Variants in OBI1 observed in about 807,000 individuals in gnomAD.
The protein encoded by OBI1 is ORC ubiquitin ligase 1.
OBI1 carries 59 observed loss-of-function variants against 62.4 expected under a neutral mutation model. The observed-to-expected ratio is 0.95, with a 90% CI of 0.77 to 1.17. The LOEUF (loss-of-function observed/expected upper bound fraction) is 1.17, where lower values mean the gene tolerates loss of function less well. Among genes scored for constraint, OBI1 ranks in the 50% most tolerant of loss-of-function variants. The pLI, the probability that OBI1 is intolerant of heterozygous loss-of-function variation, is 0.00. For missense variants in OBI1, 875 were observed against 830.9 expected, an observed-to-expected ratio of 1.05 and a Z score of -0.65; for synonymous variants, 302 against 292.8, an observed-to-expected ratio of 1.03 and a Z score of -0.32.
intron 5 of OBI1, among the ~76,000 whole-genome samples, chr13:78,623,124 T>G (rs1875560574): frequency 6.6e-6 from 1 of 152,198 alleles, no homozygotes; most frequent in Admixed American, 6.5e-5. Flanking sequence ...CAAGAGAGTT[T>G]TCTCTTTTTA....
chr13:78,614,659 A>C lies in OBI1; in HGVS notation c.*921T>G, dbSNP rs1230534472. The C allele has an allele frequency of 6.6e-6, 1 of 152,366 alleles. No individual in the cohort carries two copies. The highest frequency in any genetic ancestry group is 1.9e-4 in the East Asian group (1 of 5,204). The allele number at this position is 152,366 out of a possible 1,614,324, so 9.4% of individuals were successfully genotyped here. ...ACAGGAACATGCAAACAAGAAACAT[A>C]CTACTCAAAAGAAAACTCCCCTGGA... On this transcript the variant is annotated 3_prime_UTR_variant, in exon 6 of 6. Coordinates refer to ENST00000282003, the MANE Select transcript of OBI1 (RefSeq NM_024546.4).
At chr13:78,658,612 A>T (rs544498007) in intron 1 of OBI1, among the ~76,000 whole-genome samples, 2 of 152,216 alleles carry the variant, frequency 1.3e-5, no homozygotes, top group Non-Finnish European at 2.9e-5. Flanking sequence ...GCCCCAGAGG[A>T]TGAACACTAG....
At chr13:78,620,484 A>T in intron 5 of OBI1, 1 of 349,700 alleles carries the variant, frequency 2.9e-6, no homozygotes, top group Non-Finnish European at 5.6e-6. Flanking sequence ...CAAAGGCTTC[A>T]TTGTGCCAGA....
intron 1 of OBI1, among the ~76,000 whole-genome samples, chr13:78,654,560 C>CT (rs760090546): frequency 5.5e-4 from 84 of 152,166 alleles, no homozygotes; most frequent in Non-Finnish European, 9.7e-4. Flanking sequence ...AGTGAGGACT[C>CT]TAAGTTGCAT....
intron 2 of OBI1, among the ~76,000 whole-genome samples, chr13:78,643,311 C>T (rs1876274631): frequency 6.6e-6 from 1 of 151,958 alleles, no homozygotes; most frequent in East Asian, 1.9e-4. Context: ...TGAAATTCAG[C>T]AGGTAAAAAA....
intron 5 of OBI1, among the ~76,000 whole-genome samples, chr13:78,634,098 AAAAAAAAACAAAAAACAAAC>A (rs1875946609): frequency 1.6e-5 from 2 of 122,348 alleles, no homozygotes; most frequent in African/African-American, 6.2e-5. Context: ...AAAAAACAAA[AAAAAAAAACAAAAAACAAAC>A]AACAAAAAAA....
In OBI1 at chr13:78,616,022, G is replaced by C. The variant is rs1352280690; in HGVS notation, c.1739C>G (p.Pro580Arg). ...SSQGSEFLEE[P>R]DKLEEKTELN... ...CTCAGTTTTTTCTTCCAACTTATCA[G>C]GTTCCTCAAGAAATTCACTGCCTTG... Residue 580 changes from proline (P) to arginine (R), a missense_variant, in exon 6 of 6, where the codon CCT becomes CGT. Coordinates refer to ENST00000282003, the MANE Select transcript of OBI1 (RefSeq NM_024546.4). 8 of 1,614,002 alleles carry C rather than the reference G, an allele frequency of 5.0e-6. No individual in the cohort carries two copies. Among genetic ancestry groups the C allele is most frequent in the Non-Finnish European group, 4.2e-6 (5 of 1,180,020 alleles).
intron 5 of OBI1, among the ~76,000 whole-genome samples, chr13:78,634,279 T>C (rs4544141): frequency 0.47 from 70,526 of 151,538 alleles, 18,637 homozygotes; most frequent in African/African-American, 0.72. Context: ...GCTGGGCTAT[T>C]TAAGGTCAAA....
At position 78,646,702 on chromosome 13, in the gene OBI1, G is replaced by GCTA. The variant is rs200887904; in HGVS notation, c.73-1708_73-1706dup. Among the ~76,000 whole-genome samples, 1,170 of 152,226 alleles carry GCTA rather than the reference G, an allele frequency of 7.7e-3. 10 individuals carry two copies. The highest frequency in any genetic ancestry group is 0.026 in the African/African-American group (1,064 of 41,534). On this transcript the variant is annotated intron_variant, in intron 1 of 5. Transcript: ENST00000282003. ...CACTTTTCTCGGAGAAAATGCTTGT[G>GCTA]CTACTCTATGTCTGCCTTAAAAGAA...
chr13:78,637,288 C>T (rs762498723), intron 4 of OBI1, among the ~76,000 whole-genome samples: 46 of 152,126 alleles, frequency 3.0e-4, no homozygotes, highest in Admixed American at 5.9e-4. Flanking sequence ...TTTTTTCATT[C>T]ACTTATGTCC....
At chr13:78,622,726 T>C (rs1875550216) in intron 5 of OBI1, among the ~76,000 whole-genome samples, 1 of 152,196 alleles carries the variant, frequency 6.6e-6, no homozygotes. Context: ...TTGATTACAC[T>C]TAATAAGTGA....
rs746061496 is a variant in OBI1, at chr13:78,615,790, G to T, written c.1971C>A (p.Ser657Arg). Reference protein sequence around the residue: ...QTEFSQGILLSSSHRLFEDQR... With the variant: ...QTEFSQGILLRSSHRLFEDQR... ...GATCTTCAAATAGTCGATGTGAACT[G>T]CTTAACAAAATGCCCTGGGAAAACT... The change falls in exon 6 of 6, where the codon AGC becomes AGA. Residue 657 changes from serine to arginine, a missense_variant. Ser to Arg is a moderately radical substitution (Grantham distance 110). Coordinates refer to ENST00000282003, the MANE Select transcript of OBI1 (RefSeq NM_024546.4). 8 of 1,613,798 alleles carry T rather than the reference G, an allele frequency of 5.0e-6. No homozygotes were observed. The highest frequency in any genetic ancestry group is 6.8e-6 in the Non-Finnish European group (8 of 1,179,930).
chr13:78,633,510 G>C (rs1349084376), intron 5 of OBI1, among the ~76,000 whole-genome samples: 2 of 152,128 alleles, frequency 1.3e-5, no homozygotes, highest in Admixed American at 6.5e-5. Context: ...TTTTCCATTA[G>C]AAAGAAATGA....
chr13:78,641,171 T>C (rs928739225), intron 3 of OBI1, among the ~76,000 whole-genome samples: 2 of 152,084 alleles, frequency 1.3e-5, no homozygotes, highest in Non-Finnish European at 1.5e-5. Flanking sequence ...AAGGATTAAT[T>C]TGTTTACCAT....
chr13:78,655,156 G>C (rs920645905), intron 1 of OBI1, among the ~76,000 whole-genome samples: 8 of 152,084 alleles, frequency 5.3e-5, no homozygotes, highest in African/African-American at 1.9e-4. Flanking sequence ...CCAATAAAAA[G>C]TATTACATGC....
At chr13:78,641,039 T>G (rs866581551) in intron 3 of OBI1, among the ~76,000 whole-genome samples, 20 of 152,146 alleles carry the variant, frequency 1.3e-4, no homozygotes, top group Admixed American at 3.3e-4. Flanking sequence ...CACTAAACAT[T>G]TGGGTTAGAA....
chr13:78,619,949 CAT>C (rs1875454824), intron 5 of OBI1, among the ~76,000 whole-genome samples: 1 of 152,150 alleles, frequency 6.6e-6, no homozygotes, highest in South Asian at 2.1e-4. Context: ...CTAAAGTAAA[CAT>C]GTTTTGTTTA....
chr13:78,649,003 G>A (rs1876468569), intron 1 of OBI1, among the ~76,000 whole-genome samples: 1 of 151,894 alleles, frequency 6.6e-6, no homozygotes. Context: ...AAATGGTTTT[G>A]AGCAACTCAG....
At chr13:78,624,456 A>G (rs912954715) in intron 5 of OBI1, among the ~76,000 whole-genome samples, 1 of 151,872 alleles carries the variant, frequency 6.6e-6, no homozygotes, top group African/African-American at 2.4e-5. Context: ...TATTATTAAC[A>G]CTATATTATT....
Sources: gnomAD v4.1 joint callset for allele counts (sites outside exome capture counted in the v4.1 genomes callset) on GRCh38, gnomAD v4.1.1 for gene constraint, MANE v1.5 for transcripts, NCBI Gene and HGNC (gene_info 2026-07-23, HGNC 2026-07-21) for gene names.